The following CACNA2D1 variants were observed in gnomAD, a reference collection of about 807,000 sequenced individuals.
CACNA2D1 encodes calcium voltage-gated channel auxiliary subunit alpha2delta 1.
Under a neutral mutation model 171.5 loss-of-function variants are expected in CACNA2D1, and 53 were observed. The ratio of observed to expected loss-of-function variants is 0.31; its 90% confidence interval spans 0.25 to 0.39. The LOEUF (loss-of-function observed/expected upper bound fraction) is 0.39, where lower values mean the gene tolerates loss of function less well. Ranked by LOEUF, CACNA2D1 falls within the 10% of genes least tolerant of loss-of-function variation. The pLI, the probability that CACNA2D1 is intolerant of heterozygous loss-of-function variation, is 1.00. For synonymous variants in CACNA2D1, 442 were observed against 443.1 expected (o/e 1.00, Z 0.03); for missense variants, 903 against 1,299.8 (o/e 0.69, Z 4.69).
chr7:81,950,451 T>A lies in CACNA2D1; in HGVS notation c.3217A>T (p.Ile1073Phe). 3 of 1,613,022 alleles carry A rather than the reference T, an allele frequency of 1.9e-6. No individual in the cohort carries two copies. The highest frequency in any genetic ancestry group is 2.5e-6 in the Non-Finnish European group (3 of 1,179,584). The change falls in exon 39 of 39, where the codon ATT becomes TTT. Residue 1073 changes from isoleucine (I) to phenylalanine (F), a missense_variant. Ile to Phe is a conservative substitution (Grantham distance 21). This residue lies in a region of CACNA2D1 where 38 missense variants were observed against 29.2 expected (regional missense o/e 1.30). Coordinates refer to ENST00000356860, the MANE Select transcript of CACNA2D1 (RefSeq NM_000722.4). ...SGLNPSLWYI[I>F]GIQFLLLWLV... is the part of the protein sequence containing the mutation. Reference sequence around the variant, plus strand: ...CAAAGTAGTAGAAACTGGATTCCAATGATATACCACAGGGAGGGATTTAAT... The same window carrying A: ...CAAAGTAGTAGAAACTGGATTCCAAAGATATACCACAGGGAGGGATTTAAT...
chr7:82,053,981 A>C (rs1805516817), intron 10 of CACNA2D1, among the ~76,000 whole-genome samples: 2 of 152,208 alleles, frequency 1.3e-5, no homozygotes, highest in African/African-American at 2.4e-5. Flanking sequence ...GGTTCACAGA[A>C]ACCACAAGAA....
chr7:82,102,675 T>C (rs1461036169), intron 6 of CACNA2D1, among the ~76,000 whole-genome samples: 3 of 152,096 alleles, frequency 2.0e-5, no homozygotes, highest in African/African-American at 7.2e-5. Flanking sequence ...GGAGATTCCA[T>C]CTACAAGGTC....
rs753236509 is a variant in CACNA2D1, at chr7:81,969,915, A to G, written c.2274T>C (p.Asn758=). ...EDSFYKRSLD[N]DNYVFTAPYF... ...AGGGAGCAGTGAAAACATAGTTATC[A>G]TTATCTAGGCTCCTTTTATAGAAGC... The change falls in exon 28 of 39, where the codon AAT becomes AAC. Residue 758 remains asparagine, a synonymous_variant. Transcript: ENST00000356860. 8 of 1,607,100 alleles carry G rather than the reference A, an allele frequency of 5.0e-6. No homozygotes were observed. In the South Asian group the frequency reaches 7.7e-5, roughly 15 times the overall value.
At chr7:82,203,927 G>T (rs2129210631) in intron 3 of CACNA2D1, among the ~76,000 whole-genome samples, 1 of 152,312 alleles carries the variant, frequency 6.6e-6, no homozygotes, top group South Asian at 2.1e-4. Flanking sequence ...GCAAAGTGGG[G>T]CACCTACTTG....
intron 12 of CACNA2D1, among the ~76,000 whole-genome samples, chr7:82,024,082 C>A (rs548843348): frequency 1.3e-5 from 2 of 151,756 alleles, no homozygotes; most frequent in East Asian, 3.9e-4. Context: ...GTTGTTTCCA[C>A]ATCTAGGCTA....
chr7:82,143,260 C>T (rs537783953), intron 4 of CACNA2D1, among the ~76,000 whole-genome samples: 5 of 152,140 alleles, frequency 3.3e-5, no homozygotes, highest in Admixed American at 1.3e-4. Context: ...GAACTGAAGA[C>T]GTGATAAACC....
chr7:82,019,181 A>G (rs1199478684), intron 12 of CACNA2D1, among the ~76,000 whole-genome samples: 1 of 151,532 alleles, frequency 6.6e-6, no homozygotes, highest in Non-Finnish European at 1.5e-5. Flanking sequence ...TTAGCTGGGC[A>G]TGGTGGCACA....
At chr7:82,340,380 AG>A (rs1423789068) in intron 2 of CACNA2D1, among the ~76,000 whole-genome samples, 1 of 149,824 alleles carries the variant, frequency 6.7e-6, no homozygotes, top group Non-Finnish European at 1.5e-5. Context: ...TATGTTGTTC[AG>A]GCTGGTCTTG....
Position 82,403,048 on chromosome 7 carries a change from G to A in CACNA2D1, c.95+40317C>T, listed in dbSNP as rs1030975386. Among the ~76,000 whole-genome samples, 35 of 152,026 alleles carry A rather than the reference G, an allele frequency of 2.3e-4. 1 individual carries two copies. Among genetic ancestry groups the A allele is most frequent in the South Asian group, 2.1e-4 (1 of 4,822 alleles). On this transcript the variant is annotated intron_variant, in intron 1 of 38. Transcript: ENST00000356860. ...AATTTGGGTGGAAGGGGAATGGAAG[G>A]GCATAAAAAGGGGAGTATTCAGCGA...
intron 5 of CACNA2D1, among the ~76,000 whole-genome samples, chr7:82,131,778 G>C (rs553665496): frequency 1.3e-3 from 193 of 152,270 alleles, no homozygotes; most frequent in African/African-American, 4.4e-3. Context: ...ATGTATAAAA[G>C]TGAGAGCAAA....
chr7:81,957,486 T>TA (rs1272093216), intron 38 of CACNA2D1, among the ~76,000 whole-genome samples: 2 of 151,968 alleles, frequency 1.3e-5, no homozygotes, highest in Non-Finnish European at 2.9e-5. Context: ...AAACTTGCAG[T>TA]AAAATGAAGA....
At chr7:82,396,736 T>C (rs1444330086) in intron 1 of CACNA2D1, among the ~76,000 whole-genome samples, 1 of 152,194 alleles carries the variant, frequency 6.6e-6, no homozygotes, top group East Asian at 1.9e-4. Context: ...AATCTAACTA[T>C]AATGAAACCA....
chr7:81,964,395 TA>T (rs1204189603), intron 32 of CACNA2D1, 36 bp from the exon 33 acceptor site: 2 of 1,582,294 alleles, frequency 1.3e-6, no homozygotes, highest in African/African-American at 2.7e-5. Context: ...AACGTGCACT[TA>T]AAATGTAAGC....
At chr7:82,077,724 T>C (rs901399760) in intron 7 of CACNA2D1, among the ~76,000 whole-genome samples, 1 of 149,886 alleles carries the variant, frequency 6.7e-6, no homozygotes, top group African/African-American at 2.5e-5. Flanking sequence ...TATACATTTA[T>C]AGTTGAACTA....
chr7:82,335,176 C>T lies in CACNA2D1; in HGVS notation c.253G>A (p.Asp85Asn), dbSNP rs769700955. The T allele has an allele frequency of 6.2e-7, 1 of 1,613,034 alleles. No individual in the cohort carries two copies. Among genetic ancestry groups the T allele is most frequent in the Non-Finnish European group, 8.5e-7 (1 of 1,179,106 alleles). ...CTGTTGCTCAGAAGTTTCTCAATATCCCTGGCTGCAATTTCTACCAGCTGG... is the reference window on the plus strand; with the variant it reads ...CTGTTGCTCAGAAGTTTCTCAATATTCCTGGCTGCAATTTCTACCAGCTGG... ...ARQLVEIAARDIEKLLSNRSK... is the reference protein window; with the variant it reads ...ARQLVEIAARNIEKLLSNRSK... The change falls in exon 3 of 39, where the codon GAT becomes AAT. Residue 85 changes from aspartate (D) to asparagine (N), a missense_variant. Asp to Asn is a conservative substitution (Grantham distance 23, BLOSUM62 1). Around this residue, in one of 5 missense-constraint regions of CACNA2D1, gnomAD observed 189 missense variants for 266.8 expected, o/e 0.71. Transcript: ENST00000356860.
At position 81,948,623 on chromosome 7, in the gene CACNA2D1, T is replaced by A. The variant is rs943764992; in HGVS notation, c.*1769A>T. On this transcript the variant is annotated 3_prime_UTR_variant, in exon 39 of 39. Transcript: ENST00000356860. ...TTGATATGTGGAGCATATTAAAGCATGCTGGATAATGTTAATAACTTTGAC... is the reference window on the plus strand; with the variant it reads ...TTGATATGTGGAGCATATTAAAGCAAGCTGGATAATGTTAATAACTTTGAC... 3.9e-5 allele frequency: 6 copies of A among 151,906 alleles called. No individual in the cohort carries two copies. The highest frequency in any genetic ancestry group is 1.4e-4 in the African/African-American group (6 of 41,436). 9.4% of individuals were successfully genotyped at this position (151,906 alleles called of 1,614,324 possible). A position where few individuals can be genotyped will look rare whatever the true frequency, so the allele number is the denominator to read the frequency against.
chr7:82,150,210 C>T (rs1160897053), intron 4 of CACNA2D1, among the ~76,000 whole-genome samples: 3 of 149,048 alleles, frequency 2.0e-5, no homozygotes, highest in Non-Finnish European at 4.4e-5. Flanking sequence ...AATCCTTCCA[C>T]CTTTAAGGTT....
chr7:82,192,519 G>A (rs201936633), intron 3 of CACNA2D1, among the ~76,000 whole-genome samples: 13 of 140,124 alleles, frequency 9.3e-5, no homozygotes, highest in Non-Finnish European at 2.0e-4. Flanking sequence ...TGAATATAGA[G>A]ACAGGTAAAA....
intron 4 of CACNA2D1, among the ~76,000 whole-genome samples, chr7:82,161,518 A>T (rs1273147857): frequency 1.3e-5 from 2 of 151,994 alleles, no homozygotes; most frequent in African/African-American, 4.8e-5. Context: ...TGCTTGGTAA[A>T]TTTTGGAGTT....
Sources: allele counts gnomAD v4.1 joint callset (sites outside exome capture counted in the v4.1 genomes callset), GRCh38; gene constraint gnomAD v4.1.1; regional missense constraint gnomAD v4.1.1; transcripts MANE v1.5; gene names NCBI Gene and HGNC (gene_info 2026-07-23, HGNC 2026-07-21).